Variants in SOX5 observed in about 807,000 individuals in gnomAD.
SOX5 encodes the protein SRY-box transcription factor 5.
In SOX5, 9 loss-of-function variants were observed where a neutral mutation model predicts 92.0. The ratio of observed to expected loss-of-function variants is 0.10; its 90% CI spans 0.06 to 0.17. The LOEUF (loss-of-function observed/expected upper bound fraction) is 0.17. Among genes scored for constraint, SOX5 ranks in the 10% least tolerant of loss-of-function variants. The pLI is 1.00. For synonymous variants in SOX5, 344 were observed against 336.3 expected (o/e 1.02, Z -0.25); for missense variants, 642 against 944.5 (o/e 0.68, Z 4.20).
At chr12:24,458,064 C>T (rs1209858686) in intron 1 of SOX5, among the ~76,000 whole-genome samples, 3 of 151,770 alleles carry the variant, frequency 2.0e-5, no homozygotes. Context: ...AAGTATGTCC[C>T]ATGCAATATT....
At chr12:24,214,370 A>G (rs1263440696) in intron 3 of SOX5, among the ~76,000 whole-genome samples, 1 of 152,124 alleles carries the variant, frequency 6.6e-6, no homozygotes, top group Non-Finnish European at 1.5e-5. Context: ...TATTTTCCCA[A>G]TCTACAAAAT....
At chr12:24,159,733 A>G (rs773928849) in intron 4 of SOX5, among the ~76,000 whole-genome samples, 2 of 152,016 alleles carry the variant, frequency 1.3e-5, no homozygotes, top group Non-Finnish European at 2.9e-5. Flanking sequence ...GTATCATTCA[A>G]CCTAACACAA....
At chr12:23,649,846 A>C (rs1470544645) in intron 7 of SOX5, among the ~76,000 whole-genome samples, 1 of 152,128 alleles carries the variant, frequency 6.6e-6, no homozygotes, top group Non-Finnish European at 1.5e-5. Context: ...TTTTCCAACA[A>C]GATTATTTAG....
chr12:24,048,322 T>C (rs2137083273), intron 4 of SOX5, among the ~76,000 whole-genome samples: 1 of 152,262 alleles, frequency 6.6e-6, no homozygotes, highest in Admixed American at 6.5e-5. Flanking sequence ...CTATTTACTA[T>C]TCTGGAGTAG....
At chr12:23,874,312 G>T (rs1257218337) in intron 2 of SOX5, among the ~76,000 whole-genome samples, 1 of 152,006 alleles carries the variant, frequency 6.6e-6, no homozygotes, top group Non-Finnish European at 1.5e-5. Flanking sequence ...ATTCAAAGAG[G>T]AAATAAATCC....
At chr12:23,790,516 CA>C (rs2095452705) in intron 3 of SOX5, among the ~76,000 whole-genome samples, 1 of 140,272 alleles carries the variant, frequency 7.1e-6, no homozygotes, top group African/African-American at 2.7e-5. Context: ...GTACCTCTCA[CA>C]ACTCTCTCTC....
At chr12:23,831,545 T>C (rs999125252) in intron 3 of SOX5, among the ~76,000 whole-genome samples, 3 of 152,094 alleles carry the variant, frequency 2.0e-5, no homozygotes, top group Non-Finnish European at 2.9e-5. Flanking sequence ...GGGTGAAGGC[T>C]TGAGGTCTGC....
chr12:24,182,477 T>C (rs1184651443), intron 4 of SOX5, among the ~76,000 whole-genome samples: 1 of 152,174 alleles, frequency 6.6e-6, no homozygotes, highest in African/African-American at 2.4e-5. Flanking sequence ...ATTATAGGTC[T>C]TTTCAGAGAA....
chr12:24,424,651 A>C (rs1238691046), intron 1 of SOX5, among the ~76,000 whole-genome samples: 3 of 152,076 alleles, frequency 2.0e-5, no homozygotes, highest in African/African-American at 7.2e-5. Context: ...TCTTCCCAAC[A>C]CTATAGTTTC....
At chr12:23,899,449 A>G (rs554447446) in intron 1 of SOX5, among the ~76,000 whole-genome samples, 1 of 151,744 alleles carries the variant, frequency 6.6e-6, no homozygotes, top group South Asian at 2.1e-4. Flanking sequence ...ATATATTTAT[A>G]TAGCTTACAT....
intron 1 of SOX5, among the ~76,000 whole-genome samples, chr12:24,405,115 C>T (rs1962620977): frequency 6.6e-6 from 1 of 152,220 alleles, no homozygotes; most frequent in African/African-American, 2.4e-5. Flanking sequence ...AACTGTGGGA[C>T]GATCAATTTC....
At chr12:24,424,812 G>T (rs916003344) in intron 1 of SOX5, among the ~76,000 whole-genome samples, 8 of 150,716 alleles carry the variant, frequency 5.3e-5, no homozygotes, top group Non-Finnish European at 1.2e-4. Context: ...TTTTTTTGGG[G>T]GGGGGGGATG....
chr12:23,557,141 T>C (rs553748159), intron 11 of SOX5, among the ~76,000 whole-genome samples: 2 of 151,564 alleles, frequency 1.3e-5, no homozygotes, highest in South Asian at 4.2e-4. Context: ...AATGGACGAG[T>C]TTCCAAGTGC....
chr12:23,804,949 A>C (rs1594621823), intron 3 of SOX5, among the ~76,000 whole-genome samples: 1 of 17,300 alleles, frequency 5.8e-5, no homozygotes, highest in Non-Finnish European at 1.1e-4. Flanking sequence ...ATATATATAT[A>C]TATATATATA....
At chr12:24,131,867 G>A (rs1296172828) in intron 4 of SOX5, among the ~76,000 whole-genome samples, 1 of 152,048 alleles carries the variant, frequency 6.6e-6, no homozygotes, top group African/African-American at 2.4e-5. Flanking sequence ...GGATGGTTGG[G>A]TACAAATCCA....
chr12:23,832,422 C>A (rs1379243865), intron 3 of SOX5, among the ~76,000 whole-genome samples: 1 of 151,858 alleles, frequency 6.6e-6, no homozygotes, highest in Non-Finnish European at 1.5e-5. Context: ...AGCTCTGAAT[C>A]CGGTGTTTCG....
Position 24,266,108 on chromosome 12 carries a change from T to C in SOX5, c.-77+11108A>G, listed in dbSNP as rs372879207. Among the ~76,000 whole-genome samples the C allele has an allele frequency of 3.3e-5, 5 of 149,608 alleles. 1 individual carries two copies. Among genetic ancestry groups the C allele is most frequent in the Admixed American group, 1.3e-4 (2 of 14,856 alleles). ...TGTTTTATTTTGGTGGAGATGGGGTTTCACCATGTTGCCCAGGCTGGTTTC... is the reference window on the plus strand; with the variant it reads ...TGTTTTATTTTGGTGGAGATGGGGTCTCACCATGTTGCCCAGGCTGGTTTC... On this transcript the variant is annotated intron_variant, in intron 3 of 4. Transcript: ENST00000446891.
intron 3 of SOX5, among the ~76,000 whole-genome samples, chr12:23,831,390 T>C (rs1309435404): frequency 6.6e-6 from 1 of 151,988 alleles, no homozygotes; most frequent in Non-Finnish European, 1.5e-5. Context: ...ACAGGTGGGA[T>C]TAAGTGGGTG....
chr12:24,329,073 T>C (rs1951016755), intron 2 of SOX5, among the ~76,000 whole-genome samples: 1 of 152,244 alleles, frequency 6.6e-6, no homozygotes. Flanking sequence ...GATATTCCCA[T>C]GTGCTTATAG....
Sources: gnomAD v4.1 joint callset for allele counts (sites outside exome capture counted in the v4.1 genomes callset) on GRCh38, gnomAD v4.1.1 for gene constraint, MANE v1.5 for transcripts, NCBI Gene and HGNC (gene_info 2026-07-23, HGNC 2026-07-21) for gene names.